The following IGFL2 variants were observed in gnomAD, a reference collection of about 807,000 sequenced individuals.
IGFL2 encodes IGF like family member 2, also known as insulin growth factor-like family member 2.
Under a neutral mutation model 13.9 loss-of-function variants are expected in IGFL2, and 7 were observed. That is an observed-to-expected ratio of 0.51 (90% CI 0.29 to 0.95). The LOEUF is 0.95. Ranked by LOEUF, IGFL2 falls within the 40% of genes least tolerant of loss-of-function variation. The pLI is 0.08. For missense variants in IGFL2, 138 were observed against 147.8 expected (o/e 0.93, Z 0.34); for synonymous variants, 55 against 55.8 (o/e 0.99, Z 0.07).
chr19:46,194,046 C>T, the IGFL2 span, among the ~76,000 whole-genome samples: 2 of 152,118 alleles, frequency 1.3e-5, no homozygotes, highest in African/African-American at 4.8e-5. Flanking sequence ...CAGTCTTCCT[C>T]ATCTCCTAGC....
At chr19:46,186,894 T>C in the IGFL2 span, among the ~76,000 whole-genome samples, 1 of 152,242 alleles carries the variant, frequency 6.6e-6, no homozygotes, top group Non-Finnish European at 1.5e-5. Flanking sequence ...AGCCTGCTCT[T>C]CAGTGTGAAA....
the IGFL2 span, among the ~76,000 whole-genome samples, chr19:46,103,897 C>T: frequency 1.1e-4 from 16 of 152,286 alleles, no homozygotes; most frequent in African/African-American, 3.8e-4. Context: ...ATCAGGCTGT[C>T]TGTCTGACAG....
At chr19:46,201,032 C>T in the IGFL2 span, among the ~76,000 whole-genome samples, 1 of 152,158 alleles carries the variant, frequency 6.6e-6, no homozygotes, top group South Asian at 2.1e-4. Flanking sequence ...AAAATGTTGC[C>T]ACCCTTAGTA....
the IGFL2 span, among the ~76,000 whole-genome samples, chr19:46,175,888 G>A: frequency 6.8e-6 from 1 of 147,182 alleles, no homozygotes; most frequent in African/African-American, 2.5e-5. Flanking sequence ...TGTCACCCAG[G>A]CTGGAGTTCA....
the IGFL2 span, chr19:46,113,641 A>G: frequency 7.9e-6 from 2 of 253,792 alleles, no homozygotes; most frequent in Non-Finnish European, 1.7e-5. Flanking sequence ...TGGGAGCTGT[A>G]TGAAAACCAG....
the IGFL2 span, among the ~76,000 whole-genome samples, chr19:46,200,001 C>T: frequency 3.3e-5 from 5 of 151,976 alleles, no homozygotes; most frequent in Non-Finnish European, 5.9e-5. Context: ...CTCAGCCTCC[C>T]GAGTAGCTGG....
At chr19:46,192,704 C>G in the IGFL2 span, among the ~76,000 whole-genome samples, 1 of 152,012 alleles carries the variant, frequency 6.6e-6, no homozygotes, top group African/African-American at 2.4e-5. Flanking sequence ...CAGGTGTGAG[C>G]CACTGCACCC....
At chr19:46,136,879 G>C in the IGFL2 span, 1 of 766,528 alleles carries the variant, frequency 1.3e-6, no homozygotes, top group East Asian at 2.5e-5. Flanking sequence ...AGACTACTCT[G>C]TGTATTGGTA....
At chr19:46,210,826 A>G in the IGFL2 span, among the ~76,000 whole-genome samples, 2 of 152,292 alleles carry the variant, frequency 1.3e-5, no homozygotes, top group African/African-American at 2.4e-5. Context: ...CCTTCAATCC[A>G]ATCAAGTTGA....
the IGFL2 span, among the ~76,000 whole-genome samples, chr19:46,081,992 A>T: frequency 6.6e-6 from 1 of 152,210 alleles, no homozygotes; most frequent in East Asian, 1.9e-4. Context: ...TAACACCATC[A>T]TGGCTAGAAA....
At chr19:46,142,985 A>G (rs1224429652), upstream of IGFL2, 1 of 152,282 alleles carries the variant, frequency 6.6e-6, no homozygotes, top group Admixed American at 6.5e-5. Flanking sequence ...CTATAAATGC[A>G]CTGGCTCTGT....
At chr19:46,088,867 C>A in the IGFL2 span, among the ~76,000 whole-genome samples, 2 of 152,010 alleles carry the variant, frequency 1.3e-5, no homozygotes, top group Non-Finnish European at 2.9e-5. Context: ...CAAAACAAAA[C>A]AAGGATGTCC....
the IGFL2 span, among the ~76,000 whole-genome samples, chr19:46,206,489 G>A: frequency 1.3e-5 from 2 of 152,146 alleles, no homozygotes; most frequent in African/African-American, 2.4e-5. Context: ...TGTGTGGGGC[G>A]GGGTGAGGGG....
At chr19:46,107,821 C>T in the IGFL2 span, among the ~76,000 whole-genome samples, 1 of 152,152 alleles carries the variant, frequency 6.6e-6, no homozygotes, top group African/African-American at 2.4e-5. Context: ...CCCTCTGGGT[C>T]TAGGGCAGTA....
upstream of IGFL2, among the ~76,000 whole-genome samples, chr19:46,138,587 G>A (rs1487234177): frequency 6.6e-6 from 1 of 152,190 alleles, no homozygotes; most frequent in Non-Finnish European, 1.5e-5. Context: ...GTGCTTGCTG[G>A]CAAAGTGGTG....
chr19:46,178,006 C>T, the IGFL2 span, among the ~76,000 whole-genome samples: 5 of 152,042 alleles, frequency 3.3e-5, no homozygotes, highest in South Asian at 2.1e-4. Flanking sequence ...TGGCCGGGTG[C>T]GGTGGTTCAC....
chr19:46,187,180 T>G, the IGFL2 span, among the ~76,000 whole-genome samples: 8 of 151,096 alleles, frequency 5.3e-5, no homozygotes, highest in East Asian at 1.6e-3. Context: ...AACCTGAGGT[T>G]GTGCTGCTGG....
the IGFL2 span, among the ~76,000 whole-genome samples, chr19:46,210,706 C>T: frequency 8.5e-5 from 13 of 152,206 alleles, no homozygotes; most frequent in African/African-American, 3.1e-4. Flanking sequence ...GCTGATTAGA[C>T]AGTGTCCACC....
intron 1 of IGFL2, among the ~76,000 whole-genome samples, chr19:46,151,333 A>G (rs1973476788): frequency 6.6e-6 from 1 of 152,208 alleles, no homozygotes. Flanking sequence ...CAGTTTTCCC[A>G]GCACCATTTG....
Sources: allele counts gnomAD v4.1 joint callset (sites outside exome capture counted in the v4.1 genomes callset), GRCh38; gene constraint gnomAD v4.1.1; transcripts MANE v1.5; gene names NCBI Gene and HGNC (gene_info 2026-07-23, HGNC 2026-07-21).